MYL4: variants seen among roughly 807,000 people sequenced by gnomAD.
The protein encoded by MYL4 is myosin light chain 4, also known as atrial myosin light chain 1.
In MYL4, 16 loss-of-function variants were observed where a neutral mutation model predicts 21.6. The ratio of observed to expected loss-of-function variants is 0.74; its 90% CI spans 0.50 to 1.12. MYL4 has a LOEUF of 1.12. Ranked by LOEUF, MYL4 falls within the 50% of genes most tolerant of loss-of-function variation. The pLI is 0.00. For missense variants in MYL4, 249 were observed against 252.9 expected (o/e 0.98, Z 0.11); for synonymous variants, 82 against 95.7 (o/e 0.86, Z 0.83).
At chr17:47,199,240 CAA>C (rs141005807), upstream of MYL4, among the ~76,000 whole-genome samples, 6 of 76,114 alleles carry the variant, frequency 7.9e-5, no homozygotes, top group Non-Finnish European at 1.0e-4. Flanking sequence ...GACTCTGTCT[CAA>C]AAAAAAAAAA....
At chr17:47,212,508 C>A (rs2064783712) in intron 1 of MYL4, among the ~76,000 whole-genome samples, 1 of 152,210 alleles carries the variant, frequency 6.6e-6, no homozygotes, top group South Asian at 2.1e-4. Context: ...ATTGCTCTTG[C>A]TGTCCCAGAG....
intron 2 of MYL4, among the ~76,000 whole-genome samples, chr17:47,218,068 A>G (rs2064828709): frequency 6.6e-6 from 1 of 151,936 alleles, no homozygotes; most frequent in Non-Finnish European, 1.5e-5. Context: ...CAAAAAACTA[A>G]CTAAAAAGAA....
chr17:47,219,223 G>A (rs1406771238), intron 2 of MYL4, among the ~76,000 whole-genome samples: 1 of 152,200 alleles, frequency 6.6e-6, no homozygotes, highest in Non-Finnish European at 1.5e-5. Context: ...ACTTTCCAGC[G>A]GTCTTATCAC....
chr17:47,200,681 T>C (rs1479563946), intron 1 of MYL4: 2 of 152,402 alleles, frequency 1.3e-5, no homozygotes, highest in Non-Finnish European at 2.9e-5. Flanking sequence ...CTAGGTAGAC[T>C]CTAACCCACC....
At chr17:47,227,153 G>C (rs951313593), downstream of MYL4, among the ~76,000 whole-genome samples, 1 of 152,210 alleles carries the variant, frequency 6.6e-6, no homozygotes, top group Non-Finnish European at 1.5e-5. Flanking sequence ...ACCGCGCCCA[G>C]CCGGGAAGCA....
At chr17:47,212,061 C>T (rs995974552) in intron 1 of MYL4, among the ~76,000 whole-genome samples, 2 of 152,040 alleles carry the variant, frequency 1.3e-5, no homozygotes, top group African/African-American at 2.4e-5. Flanking sequence ...CCTGTCTCTA[C>T]TAAAAATACA....
At chr17:47,211,639 G>A (rs2064776468) in intron 1 of MYL4, among the ~76,000 whole-genome samples, 1 of 152,232 alleles carries the variant, frequency 6.6e-6, no homozygotes, top group African/African-American at 2.4e-5. Flanking sequence ...ACTTTTGGCA[G>A]TCTATTCCTA....
At chr17:47,219,868 G>A in intron 2 of MYL4, 36 bp from the exon 3 acceptor site, 1 of 1,613,770 alleles carries the variant, frequency 6.2e-7, no homozygotes, top group Non-Finnish European at 8.5e-7. Context: ...ACCTTCACTG[G>A]GGATTGGAAG....
At chr17:47,202,147 A>G (rs1706662532) in intron 1 of MYL4, among the ~76,000 whole-genome samples, 1 of 151,670 alleles carries the variant, frequency 6.6e-6, no homozygotes, top group Non-Finnish European at 1.5e-5. Context: ...CACCACGCCC[A>G]ACTAATTTTT....
upstream of MYL4, among the ~76,000 whole-genome samples, chr17:47,195,706 A>G (rs1234785713): frequency 6.6e-6 from 1 of 152,096 alleles, no homozygotes; most frequent in African/African-American, 2.4e-5. Context: ...TCTTAATTCT[A>G]TTCTTCATCT....
chr17:47,221,781 G>A lies in MYL4; in HGVS notation c.413G>A (p.Gly138Asp). 6.2e-7 allele frequency: 1 copy of A among 1,614,166 alleles called. No homozygotes were observed. The highest frequency in any genetic ancestry group is 8.5e-7 in the Non-Finnish European group (1 of 1,180,012). The change falls in exon 4 of 7, where the codon GGC becomes GAC. Residue 138 changes from glycine to aspartate, a missense_variant. Gly to Asp is a moderately conservative substitution (Grantham distance 94). Coordinates refer to ENST00000393450, the MANE Select transcript of MYL4 (RefSeq NM_002476.2). ...EQGTYEDFVE[G>D]LRVFDKESNG... ...GGCACCTATGAGGACTTCGTGGAGGGCCTGCGTGTCTTTGACAAGGAGAGC... is the reference window on the plus strand; with the variant it reads ...GGCACCTATGAGGACTTCGTGGAGGACCTGCGTGTCTTTGACAAGGAGAGC...
upstream of MYL4, among the ~76,000 whole-genome samples, chr17:47,207,526 G>A (rs2043212957): frequency 6.6e-6 from 1 of 152,172 alleles, no homozygotes; most frequent in Admixed American, 6.5e-5. Flanking sequence ...TGGGCTCCAG[G>A]GCACCCAGAA....
chr17:47,199,201 A>C (rs2064700422), upstream of MYL4, among the ~76,000 whole-genome samples: 1 of 151,504 alleles, frequency 6.6e-6, no homozygotes, highest in African/African-American at 2.4e-5. Flanking sequence ...AGATTGTGCC[A>C]CTGCACTCCA....
At chr17:47,201,817 G>C (rs1401285279) in intron 1 of MYL4, among the ~76,000 whole-genome samples, 1 of 151,976 alleles carries the variant, frequency 6.6e-6, no homozygotes, top group Non-Finnish European at 1.5e-5. Context: ...ACCCACTCTA[G>C]GCAATTATTG....
upstream of MYL4, among the ~76,000 whole-genome samples, chr17:47,198,038 C>G (rs2064695836): frequency 6.6e-6 from 1 of 152,104 alleles, no homozygotes; most frequent in South Asian, 2.1e-4. Flanking sequence ...AGAGTGACCT[C>G]ATGAGACCAG....
rs763415247 is a variant in MYL4 at position 47,209,464 on chromosome 17, GCCAGCT to G, written c.60_65del (p.Ala30_Pro31del). On this transcript the variant is annotated inframe_deletion, in exon 1 of 7. Coordinates refer to ENST00000393450, the MANE Select transcript of MYL4 (RefSeq NM_002476.2). ...CTGAGCCTAAGAAGGAGGCAGCCAA[GCCAGCT>G]CCAGCTCCAGCTCCAGCCCCTGCAC... 28 of 1,614,072 alleles carry G rather than the reference GCCAGCT, an allele frequency of 1.7e-5. No homozygotes were observed. The highest frequency in any genetic ancestry group is 1.6e-4 in the Middle Eastern group (1 of 6,084).
At chr17:47,200,068 T>C (rs1651230921), upstream of MYL4, among the ~76,000 whole-genome samples, 1 of 150,234 alleles carries the variant, frequency 6.7e-6, no homozygotes, top group Non-Finnish European at 1.5e-5. Flanking sequence ...AATGAATGAA[T>C]GAGAGTAATC....
chr17:47,199,026 A>G (rs2064699594), upstream of MYL4, among the ~76,000 whole-genome samples: 1 of 151,536 alleles, frequency 6.6e-6, no homozygotes, highest in Non-Finnish European at 1.5e-5. Flanking sequence ...CGAGGTTGGG[A>G]GATCAACACC....
chr17:47,215,867 G>A (rs1289949194), intron 2 of MYL4, among the ~76,000 whole-genome samples: 1 of 151,962 alleles, frequency 6.6e-6, no homozygotes, highest in African/African-American at 2.4e-5. Context: ...CATAGCTCAC[G>A]ATAACCTTGA....
Sources: gnomAD v4.1 joint callset for allele counts (sites outside exome capture counted in the v4.1 genomes callset) on GRCh38, gnomAD v4.1.1 for gene constraint, MANE v1.5 for transcripts, NCBI Gene and HGNC (gene_info 2026-07-23, HGNC 2026-07-21) for gene names.